Variants in CFTR observed in about 807,000 individuals in gnomAD.
The protein encoded by CFTR is CF transmembrane conductance regulator.
Under a neutral mutation model 171.6 loss-of-function variants are expected in CFTR, and 181 were observed. The observed-to-expected ratio is 1.05, with a 90% CI of 0.93 to 1.19. The LOEUF (loss-of-function observed/expected upper bound fraction) is 1.19, where lower values mean the gene tolerates loss of function less well. Ranked by LOEUF, CFTR falls within the 50% of genes most tolerant of loss-of-function variation. The pLI is 0.00. For missense variants in CFTR, 1,968 were observed against 1,734.7 expected (o/e 1.13, Z -2.39); for synonymous variants, 583 against 608.0 (o/e 0.96, Z 0.60).
chr7:117,589,301 T>A (rs920738547), intron 12 of CFTR, among the ~76,000 whole-genome samples: 12 of 152,138 alleles, frequency 7.9e-5, no homozygotes, highest in African/African-American at 2.9e-4. Context: ...AAAAATAAGT[T>A]ACACTATAAA....
Position 117,664,819 on chromosome 7 carries a change from G to A in CFTR, c.4095G>A (p.Lys1365=), listed in dbSNP as rs759891255. The A allele has an allele frequency of 4.3e-6, 7 of 1,614,070 alleles. No individual in the cohort carries two copies. The South Asian group carries it at 7.7e-5, about 18-fold the overall frequency. Reference sequence around the variant, plus strand: ...CTAGATCTGTTCTCAGTAAGGCGAAGATCTTGCTGCTTGATGAACCCAGTG... The same window carrying A: ...CTAGATCTGTTCTCAGTAAGGCGAAAATCTTGCTGCTTGATGAACCCAGTG... The part of the protein sequence containing the change: ...CLARSVLSKA[K]ILLLDEPSAH... The change falls in exon 25 of 27, where the codon AAG becomes AAA. Residue 1365 remains lysine, a synonymous_variant. Coordinates refer to ENST00000003084, the MANE Select transcript of CFTR (RefSeq NM_000492.4).
intron 14 of CFTR, among the ~76,000 whole-genome samples, chr7:117,593,680 C>T (rs955577854): frequency 6.6e-6 from 1 of 152,168 alleles, no homozygotes; most frequent in Non-Finnish European, 1.5e-5. Flanking sequence ...ACTGCAACCT[C>T]TGCCTCCTGG....
At chr7:117,493,568 A>G (rs1253733339) in intron 1 of CFTR, among the ~76,000 whole-genome samples, 1 of 151,976 alleles carries the variant, frequency 6.6e-6, no homozygotes, top group African/African-American at 2.4e-5. Flanking sequence ...TTTGCTATTG[A>G]TCTCCCTCCC....
chr7:117,553,834 CA>C (rs1799309464), intron 10 of CFTR, among the ~76,000 whole-genome samples: 1 of 151,980 alleles, frequency 6.6e-6, no homozygotes, highest in African/African-American at 2.4e-5. Flanking sequence ...AACATTTGAA[CA>C]AAGACTTGCA....
At chr7:117,504,868 T>C (rs1047180035) in intron 2 of CFTR, among the ~76,000 whole-genome samples, 1 of 152,172 alleles carries the variant, frequency 6.6e-6, no homozygotes, top group Non-Finnish European at 1.5e-5. Context: ...AATGATTTTT[T>C]TTCCTGAAAA....
intron 11 of CFTR, among the ~76,000 whole-genome samples, chr7:117,570,917 A>G (rs1791678067): frequency 1.3e-5 from 2 of 152,220 alleles, no homozygotes; most frequent in South Asian, 2.1e-4. Context: ...TGTGTAAATG[A>G]TGCTTTCAAG....
chr7:117,598,539 A>G (rs1211100895), intron 15 of CFTR, among the ~76,000 whole-genome samples: 1 of 152,262 alleles, frequency 6.6e-6, no homozygotes, highest in Non-Finnish European at 1.5e-5. Flanking sequence ...ACCATGGTCC[A>G]GTAACATCTG....
intron 24 of CFTR, among the ~76,000 whole-genome samples, 184 bp from the exon 25 acceptor site, chr7:117,664,504 C>T (rs1231982033): frequency 1.3e-5 from 2 of 152,172 alleles, no homozygotes; most frequent in Non-Finnish European, 2.9e-5. Context: ...TAGACTGATT[C>T]TTTTGAGCTG....
At chr7:117,522,887 G>T (rs1431113033) in intron 3 of CFTR, among the ~76,000 whole-genome samples, 1 of 152,050 alleles carries the variant, frequency 6.6e-6, no homozygotes, top group Non-Finnish European at 1.5e-5. Flanking sequence ...AAATATTAAA[G>T]AACATGATGC....
chr7:117,487,189 A>T (rs1283613843), intron 1 of CFTR, among the ~76,000 whole-genome samples: 1 of 152,142 alleles, frequency 6.6e-6, no homozygotes. Context: ...TTGAAAATGT[A>T]TTAAAGTGAT....
chr7:117,482,871 G>A (rs563778306), intron 1 of CFTR, among the ~76,000 whole-genome samples: 1 of 152,088 alleles, frequency 6.6e-6, no homozygotes, highest in African/African-American at 2.4e-5. Context: ...AATTTTCGTC[G>A]TGATATCTGT....
At chr7:117,486,101 C>T (rs148876177) in intron 1 of CFTR, among the ~76,000 whole-genome samples, 12 of 152,186 alleles carry the variant, frequency 7.9e-5, no homozygotes, top group Non-Finnish European at 1.6e-4. Flanking sequence ...CTGCCTTAGC[C>T]TTTGTAGGAT....
rs397508615 is a variant in CFTR, at chr7:117,642,561, C to T, written c.3841C>T (p.Gln1281Ter). The T allele has an allele frequency of 6.2e-7, 1 of 1,613,420 alleles. No individual in the cohort carries two copies. Among genetic ancestry groups the T allele is most frequent in the Non-Finnish European group, 8.5e-7 (1 of 1,179,648 alleles). ...GTCTTGGGATTCAATAACTTTGCAA[C>T]AGTGGAGGAAAGCCTTTGGAGTGAT... ...GVSWDSITLQQWRKAFGVIPQ... is the reference protein window; with the variant it reads ...GVSWDSITLQ Residue 1281 changes from glutamine to a stop codon, truncating the protein, a stop_gained, in exon 23 of 27, where the codon CAG (glutamine) becomes TAG (stop). Coordinates refer to ENST00000003084, the MANE Select transcript of CFTR (RefSeq NM_000492.4). LOFTEE classifies it high-confidence loss of function.
In CFTR at chr7:117,592,271, C is replaced by G; in HGVS notation, c.2104C>G (p.Leu702Val). 2 of 1,613,966 alleles carry G rather than the reference C, an allele frequency of 1.2e-6. No individual in the cohort carries two copies. Among genetic ancestry groups the G allele is most frequent in the Non-Finnish European group, 1.7e-6 (2 of 1,180,034 alleles). ...EFGEKRKNSI[L>V]NPINSIRKFS... Reference sequence around the variant, plus strand: ...TGGGGAAAAAAGGAAGAATTCTATTCTCAATCCAATCAACTCTATACGAAA... The same window carrying G: ...TGGGGAAAAAAGGAAGAATTCTATTGTCAATCCAATCAACTCTATACGAAA... Residue 702 changes from leucine (L) to valine (V), a missense_variant, in exon 14 of 27, where the codon CTC becomes GTC. Leu to Val is a conservative substitution (Grantham distance 32). Transcript: ENST00000003084.
intron 1 of CFTR, among the ~76,000 whole-genome samples, chr7:117,493,703 G>A (rs1263857006): frequency 4.6e-5 from 7 of 152,060 alleles, no homozygotes; most frequent in African/African-American, 1.2e-4. Flanking sequence ...AAAAAGAGAA[G>A]TAAAGAAGAT....
chr7:117,523,797 G>C (rs531965715), intron 3 of CFTR, among the ~76,000 whole-genome samples: 85 of 152,300 alleles, frequency 5.6e-4, no homozygotes, highest in African/African-American at 2.0e-3. Flanking sequence ...GTAGGGAAAA[G>C]TCTATTGTGA....
intron 7 of CFTR, among the ~76,000 whole-genome samples, chr7:117,536,934 C>T (rs1045363276): frequency 2.0e-5 from 3 of 152,090 alleles, no homozygotes; most frequent in Admixed American, 1.3e-4. Context: ...TACATATGTT[C>T]ACTGCTGCTC....
At chr7:117,540,530 G>A (rs1799036762) in intron 8 of CFTR, among the ~76,000 whole-genome samples, 184 bp downstream of exon 8, 1 of 152,108 alleles carries the variant, frequency 6.6e-6, no homozygotes, top group Admixed American at 6.5e-5. Context: ...CATTTCTCTG[G>A]ACAGTATGAT....
Position 117,491,187 on chromosome 7 carries a change from C to T in CFTR, c.53+11040C>T, listed in dbSNP as rs528501643. On this transcript the variant is annotated intron_variant, in intron 1 of 26. Coordinates refer to ENST00000003084, the MANE Select transcript of CFTR (RefSeq NM_000492.4). ...TTGTGACACAGTGGTATTTGCATATCGGAACATGTCTAAACACAGAAAAGG... is the reference window on the plus strand; with the variant it reads ...TTGTGACACAGTGGTATTTGCATATTGGAACATGTCTAAACACAGAAAAGG... Among the ~76,000 whole-genome samples the T allele has an allele frequency of 2.0e-5, 3 of 152,082 alleles. No homozygotes were observed. The East Asian group carries it at 5.8e-4, about 29-fold the overall frequency.
Sources: allele counts gnomAD v4.1 joint callset (sites outside exome capture counted in the v4.1 genomes callset), GRCh38; gene constraint gnomAD v4.1.1; transcripts MANE v1.5; gene names NCBI Gene and HGNC (gene_info 2026-07-23, HGNC 2026-07-21).